Variants in FGD4 observed in about 807,000 individuals in gnomAD.
FGD4 encodes FYVE, RhoGEF and PH domain containing 4, also known as FYVE, RhoGEF and PH domain-containing protein 4.
In FGD4, 42 loss-of-function variants were observed where a neutral mutation model predicts 102.0. The ratio of observed to expected loss-of-function variants is 0.41; its 90% CI spans 0.32 to 0.53. The LOEUF (loss-of-function observed/expected upper bound fraction) is 0.53, where lower values mean the gene tolerates loss of function less well. Ranked by LOEUF, FGD4 falls within the 20% of genes least tolerant of loss-of-function variation. FGD4 has a pLI of 0.21. For synonymous variants in FGD4, 380 were observed against 375.7 expected (o/e 1.01, Z -0.13); for missense variants, 902 against 1,078.2 (o/e 0.84, Z 2.29).
chr12:32,484,983 CG>C (rs1943853464), intron 1 of FGD4, among the ~76,000 whole-genome samples: 1 of 152,206 alleles, frequency 6.6e-6, no homozygotes, highest in South Asian at 2.1e-4. Context: ...CACTATGTAA[CG>C]TCAACCTTCT....
At chr12:32,611,704 GA>G (rs748800035) in intron 10 of FGD4, among the ~76,000 whole-genome samples, 1 of 144,742 alleles carries the variant, frequency 6.9e-6, no homozygotes, top group Non-Finnish European at 1.5e-5. Context: ...TCCATTTAGG[GA>G]ATATTCCATT....
rs755237811 is a variant in FGD4, at chr12:32,644,573, A to G, written c.*4040A>G. The G allele has an allele frequency of 7.9e-5, 12 of 152,182 alleles. No individual in the cohort carries two copies. Among genetic ancestry groups the G allele is most frequent in the Non-Finnish European group, 1.5e-4 (10 of 68,016 alleles). The allele number at this position is 152,182 out of a possible 1,614,324, so 9.4% of individuals were successfully genotyped here. A position where few individuals can be genotyped will look rare whatever the true frequency, so the allele number is the denominator to read the frequency against. On this transcript the variant is annotated 3_prime_UTR_variant, in exon 17 of 17. Transcript: ENST00000534526. ...CCCTTAATCACGTAGTCATGAGAAG[A>G]TAACTTTGCTTTCTTTACAGAAAGG...
At chr12:32,464,852 C>T (rs1252783845) in intron 1 of FGD4, among the ~76,000 whole-genome samples, 1 of 152,200 alleles carries the variant, frequency 6.6e-6, no homozygotes, top group Non-Finnish European at 1.5e-5. Context: ...AGACATTAAA[C>T]TAAGAGTTAC....
chr12:32,552,559 G>A (rs1302939486), intron 1 of FGD4, among the ~76,000 whole-genome samples: 2 of 148,924 alleles, frequency 1.3e-5, no homozygotes, highest in African/African-American at 4.9e-5. Flanking sequence ...TGGGATTACA[G>A]GCGTGAACCA....
At chr12:32,566,578 C>T (rs1401844629) in intron 2 of FGD4, among the ~76,000 whole-genome samples, 1 of 152,098 alleles carries the variant, frequency 6.6e-6, no homozygotes, top group Non-Finnish European at 1.5e-5. Flanking sequence ...TTTGAACATG[C>T]GCCATGCAGG....
At chr12:32,496,815 G>A (rs1937850627) in intron 1 of FGD4, among the ~76,000 whole-genome samples, 1 of 152,116 alleles carries the variant, frequency 6.6e-6, no homozygotes, top group African/African-American at 2.4e-5. Flanking sequence ...GAGTGTGGAA[G>A]GCAGGGCCTA....
chr12:32,471,519 T>C (rs557127138), intron 1 of FGD4, among the ~76,000 whole-genome samples: 1 of 152,318 alleles, frequency 6.6e-6, no homozygotes, highest in African/African-American at 2.4e-5. Context: ...AAAGGTTTAT[T>C]CCACATTACA....
intron 1 of FGD4, among the ~76,000 whole-genome samples, chr12:32,561,075 GTTTTTTTT>G (rs1218919677): frequency 1.2e-5 from 1 of 85,150 alleles, no homozygotes; most frequent in Non-Finnish European, 2.2e-5. Flanking sequence ...GTTGGGTTTT[GTTTTTTTT>G]TTTTTTTTTT....
chr12:32,490,565 A>T (rs1944053184), intron 1 of FGD4, among the ~76,000 whole-genome samples: 1 of 151,856 alleles, frequency 6.6e-6, no homozygotes, highest in African/African-American at 2.4e-5. Flanking sequence ...TGCCCGGCTA[A>T]TTTTTGTATT....
chr12:32,540,599 CTT>C (rs1332215780), intron 1 of FGD4, among the ~76,000 whole-genome samples: 1 of 142,724 alleles, frequency 7.0e-6, no homozygotes, highest in Non-Finnish European at 1.5e-5. Context: ...GAGTTTCACT[CTT>C]GTCGCTCAAG....
intron 1 of FGD4, among the ~76,000 whole-genome samples, chr12:32,447,811 C>T (rs1942664566): frequency 6.6e-6 from 1 of 152,236 alleles, no homozygotes; most frequent in Non-Finnish European, 1.5e-5. Context: ...TACACCGTGT[C>T]TGATTTGTTC....
chr12:32,525,777 A>G (rs189643591), intron 1 of FGD4, among the ~76,000 whole-genome samples: 6,408 of 152,342 alleles, frequency 0.042, 153 homozygotes, highest in Non-Finnish European at 0.061. Flanking sequence ...GCAGCCAGCC[A>G]GCCCTGCTGG....
chr12:32,541,515 G>C (rs749211512), intron 1 of FGD4, among the ~76,000 whole-genome samples: 1 of 152,062 alleles, frequency 6.6e-6, no homozygotes, highest in Non-Finnish European at 1.5e-5. Flanking sequence ...AGAGGCGCCT[G>C]CCACCACACC....
At position 32,641,528 on chromosome 12, in the gene FGD4, G is replaced by A. The variant is rs1951155644; in HGVS notation, c.*995G>A. Reference sequence around the variant, plus strand: ...TCACTGGGACAGTCAAAGTCATACAGGTTATTTTACCGTTTACAATCCTAT... The same window carrying A: ...TCACTGGGACAGTCAAAGTCATACAAGTTATTTTACCGTTTACAATCCTAT... On this transcript the variant is annotated 3_prime_UTR_variant, in exon 17 of 17. Coordinates refer to ENST00000534526, the MANE Select transcript of FGD4 (RefSeq NM_001370298.3). 6.6e-6 allele frequency: 1 copy of A among 152,126 alleles called. No homozygotes were observed. Among genetic ancestry groups the A allele is most frequent in the Admixed American group, 6.6e-5 (1 of 15,264 alleles). The allele number at this position is 152,126 out of a possible 1,614,324, so 9.4% of individuals were successfully genotyped here. A position where few individuals can be genotyped will look rare whatever the true frequency, so the allele number is the denominator to read the frequency against.
Position 32,549,009 on chromosome 12 carries a change from G to A in FGD4, c.167-15128G>A, listed in dbSNP as rs530536765. On this transcript the variant is annotated intron_variant, in intron 1 of 16. Coordinates refer to ENST00000534526, the MANE Select transcript of FGD4 (RefSeq NM_001370298.3). ...AATGTGGGACAGAGTCCCTAGGGCA[G>A]CTTTTCCCAAAACATGTTCCAAGAT... Among the ~76,000 whole-genome samples the A allele has an allele frequency of 6.6e-5, 10 of 152,332 alleles. No homozygotes were observed. The East Asian group carries it at 1.9e-3, about 29-fold the overall frequency.
At chr12:32,610,731 G>A in intron 8 of FGD4, 45 bp from the exon 9 acceptor site, 1 of 1,559,514 alleles carries the variant, frequency 6.4e-7, no homozygotes, top group African/African-American at 1.4e-5. Context: ...AGAAGCACAG[G>A]AAGGACAAAG....
At chr12:32,536,889 A>G (rs1257596799) in intron 1 of FGD4, among the ~76,000 whole-genome samples, 1 of 152,026 alleles carries the variant, frequency 6.6e-6, no homozygotes, top group Non-Finnish European at 1.5e-5. Context: ...TTTCCATGCC[A>G]TTATAAAGCA....
At chr12:32,621,386 G>A (rs529044051) in intron 11 of FGD4, among the ~76,000 whole-genome samples, 3 of 152,122 alleles carry the variant, frequency 2.0e-5, no homozygotes, top group Admixed American at 1.3e-4. Flanking sequence ...AGAGCAGAGG[G>A]TGAAGAACCA....
intron 1 of FGD4, among the ~76,000 whole-genome samples, chr12:32,480,479 C>T (rs1237165093): frequency 6.6e-6 from 1 of 151,076 alleles, no homozygotes; most frequent in Non-Finnish European, 1.5e-5. Context: ...TTTTTCTTCT[C>T]TTTTTTCTTT....
Sources: gnomAD v4.1 joint callset for allele counts (sites outside exome capture counted in the v4.1 genomes callset) on GRCh38, gnomAD v4.1.1 for gene constraint, MANE v1.5 for transcripts, NCBI Gene and HGNC (gene_info 2026-07-23, HGNC 2026-07-21) for gene names.